The following GLG1 variants were observed in gnomAD, a reference collection of about 807,000 sequenced individuals.
The protein encoded by GLG1 is golgi glycoprotein 1.
In GLG1, 38 loss-of-function variants were observed where a neutral mutation model predicts 160.5. That is an observed-to-expected ratio of 0.24 (90% CI 0.18 to 0.31). GLG1 has a LOEUF of 0.31. Ranked by LOEUF, GLG1 falls within the 10% of genes least tolerant of loss-of-function variation. GLG1 has a pLI of 1.00. For synonymous variants in GLG1, 644 were observed against 543.4 expected, an observed-to-expected ratio of 1.19 and a Z score of -2.57; for missense variants, 1,373 against 1,505.2, an observed-to-expected ratio of 0.91 and a Z score of 1.45.
chr16:74,457,759 T>C (rs2014615729), intron 24 of GLG1, 115 bp downstream of exon 24: 1 of 890,282 alleles, frequency 1.1e-6, no homozygotes, highest in Admixed American at 2.3e-5. Flanking sequence ...TGTCTATGAC[T>C]GGGCTACAAC....
intron 1 of GLG1, among the ~76,000 whole-genome samples, chr16:74,597,170 C>T (rs909253337): frequency 2.0e-5 from 3 of 151,474 alleles, no homozygotes. Context: ...CAGTGGCTCA[C>T]GCCTGTAATC....
chr16:74,529,639 G>A (rs889555563), intron 2 of GLG1, among the ~76,000 whole-genome samples: 4 of 151,632 alleles, frequency 2.6e-5, no homozygotes, highest in East Asian at 1.9e-4. Flanking sequence ...GATAGCATGC[G>A]GGACATTATG....
chr16:74,571,799 G>C (rs979690274), intron 1 of GLG1, among the ~76,000 whole-genome samples: 2 of 152,086 alleles, frequency 1.3e-5, no homozygotes, highest in Non-Finnish European at 2.9e-5. Context: ...GGGTGACAGA[G>C]ACCCTGTCTC....
intron 1 of GLG1, among the ~76,000 whole-genome samples, chr16:74,548,825 G>T (rs1045781140): frequency 1.3e-5 from 2 of 151,998 alleles, no homozygotes; most frequent in African/African-American, 4.8e-5. Context: ...GTGAAACCTC[G>T]TCTCTACTAA....
chr16:74,471,337 A>G (rs772886886), intron 14 of GLG1, 51 bp from the exon 15 acceptor site: 2 of 1,030,988 alleles, frequency 1.9e-6, no homozygotes, highest in East Asian at 2.4e-5. Flanking sequence ...TTAATGAACA[A>G]AACTTGTAGC....
chr16:74,584,955 T>C (rs998749345), intron 1 of GLG1, among the ~76,000 whole-genome samples: 5 of 151,872 alleles, frequency 3.3e-5, no homozygotes, highest in African/African-American at 1.2e-4. Context: ...CTGGGTACAG[T>C]GTACAATGCT....
intron 1 of GLG1, among the ~76,000 whole-genome samples, chr16:74,546,837 CAAAAA>C (rs71376218): frequency 1.3e-4 from 8 of 59,702 alleles, no homozygotes; most frequent in Non-Finnish European, 2.0e-4. Flanking sequence ...GACTCCATCT[CAAAAA>C]AAAAAAAAAA....
intron 1 of GLG1, among the ~76,000 whole-genome samples, chr16:74,593,629 T>A (rs1489217455): frequency 3.3e-5 from 5 of 152,038 alleles, no homozygotes; most frequent in Admixed American, 1.3e-4. Context: ...GAGACAGGGT[T>A]TCACCACGTT....
At chr16:74,538,555 G>C (rs2017747365) in intron 1 of GLG1, among the ~76,000 whole-genome samples, 1 of 152,116 alleles carries the variant, frequency 6.6e-6, no homozygotes, top group African/African-American at 2.4e-5. Context: ...TTTGTACCCA[G>C]GGATAGTGGC....
intron 1 of GLG1, 88 bp downstream of exon 1, chr16:74,606,569 G>T: frequency 8.7e-7 from 1 of 1,148,288 alleles, no homozygotes; most frequent in Non-Finnish European, 1.2e-6. Flanking sequence ...AAGGAAAGCA[G>T]CCGACCGGCG....
rs906182298 is a variant in GLG1 at position 74,474,469 on chromosome 16, A to G, written c.2052+77T>C. 18 of 792,114 alleles carry G rather than the reference A, an allele frequency of 2.3e-5. 1 individual carries two copies. The highest frequency in any genetic ancestry group is 2.3e-4 in the Middle Eastern group (1 of 4,442). 49.1% of individuals were successfully genotyped at this position (792,114 alleles called of 1,614,324 possible). ...AAAATCTGCACTCTCAGGAGTCTAGAAACAGTAGAATCAAACACAAAAGGC... is the reference window on the plus strand; with the variant it reads ...AAAATCTGCACTCTCAGGAGTCTAGGAACAGTAGAATCAAACACAAAAGGC... On this transcript the variant is annotated intron_variant, in intron 13 of 25. Coordinates refer to ENST00000422840, the MANE Select transcript of GLG1 (RefSeq NM_001145667.2).
chr16:74,542,692 A>AGGAGGGAGGGAGGAAG lies in GLG1; in HGVS notation c.439-10555_439-10540dup, dbSNP rs2017909253. Among the ~76,000 whole-genome samples, 2 of 67,230 alleles carry AGGAGGGAGGGAGGAAG rather than the reference A, an allele frequency of 3.0e-5. 1 individual carries two copies. The highest frequency in any genetic ancestry group is 1.2e-4 in the African/African-American group (2 of 16,726). 44.1% of individuals were successfully genotyped at this position (67,230 alleles called of 152,430 possible). ...TGTCAAAAAAAAAAAAGGGAAGGGA[A>AGGAGGGAGGGAGGAAG]GGAGGGAGGGAGGAAGGGAAGAAGG... On this transcript the variant is annotated intron_variant, in intron 1 of 25. Transcript: ENST00000422840.
At chr16:74,488,016 A>G (rs1207055104) in intron 8 of GLG1, among the ~76,000 whole-genome samples, 1 of 152,158 alleles carries the variant, frequency 6.6e-6, no homozygotes, top group Non-Finnish European at 1.5e-5. Flanking sequence ...GGCCTAGGAG[A>G]GCCTGGGCCC....
intron 4 of GLG1, among the ~76,000 whole-genome samples, chr16:74,501,121 G>C (rs2016389484): frequency 6.6e-6 from 1 of 152,218 alleles, no homozygotes; most frequent in Non-Finnish European, 1.5e-5. Flanking sequence ...TTAATTTTCA[G>C]TATAAGTTTT....
chr16:74,586,702 A>ATT (rs36008097), intron 1 of GLG1, among the ~76,000 whole-genome samples: 34 of 146,826 alleles, frequency 2.3e-4, no homozygotes, highest in African/African-American at 5.7e-4. Context: ...TGTAATTCTA[A>ATT]TTTTTTTTTT....
intron 13 of GLG1, 154 bp downstream of exon 13, chr16:74,474,391 CT>C: frequency 6.4e-6 from 4 of 620,744 alleles, no homozygotes. Context: ...ACACAATATA[CT>C]TCTTTATAAA....
intron 1 of GLG1, among the ~76,000 whole-genome samples, chr16:74,565,894 G>A (rs761118552): frequency 6.6e-5 from 10 of 152,166 alleles, no homozygotes; most frequent in East Asian, 1.9e-4. Flanking sequence ...GTTTTCTAAC[G>A]TTCCGTCTTT....
intron 8 of GLG1, among the ~76,000 whole-genome samples, chr16:74,490,209 A>G (rs2015933349): frequency 6.6e-6 from 1 of 152,182 alleles, no homozygotes; most frequent in Non-Finnish European, 1.5e-5. Flanking sequence ...AATGAAAGGG[A>G]TGTACTAAAT....
chr16:74,469,309 C>T, intron 16 of GLG1: 1 of 548,614 alleles, frequency 1.8e-6, no homozygotes, highest in Non-Finnish European at 3.3e-6. Context: ...CCACACAGGG[C>T]ACATGTGTGC....
Sources: allele counts gnomAD v4.1 joint callset (sites outside exome capture counted in the v4.1 genomes callset), GRCh38; gene constraint gnomAD v4.1.1; transcripts MANE v1.5; gene names NCBI Gene and HGNC (gene_info 2026-07-23, HGNC 2026-07-21).